HMGB1: variants seen among roughly 807,000 people sequenced by gnomAD.
HMGB1 encodes high mobility group protein B1.
For synonymous variants in HMGB1, 81 were observed against 84.0 expected, an observed-to-expected ratio of 0.96 and a Z score of 0.19; for missense variants, 79 against 253.5, an observed-to-expected ratio of 0.31 and a Z score of 4.67.
intron 1 of HMGB1, among the ~76,000 whole-genome samples, chr13:30,530,191 A>T (rs758708449): frequency 6.6e-6 from 1 of 152,250 alleles, no homozygotes; most frequent in African/African-American, 2.4e-5. Flanking sequence ...ACTTCTTGTG[A>T]TGGGTCACAA....
Position 30,575,293 on chromosome 13 carries a change from T to C in HMGB1, c.-15+41378A>G, listed in dbSNP as rs180845745. Among the ~76,000 whole-genome samples the C allele has an allele frequency of 4.3e-4, 66 of 152,310 alleles. 1 individual carries two copies. In the East Asian group the frequency reaches 0.011, roughly 24 times the overall value. ...AGAAATACAGCTCGAAGTCAGCTCA[T>C]ATTTTCAGTAAGTACTGATGAGGAT... On this transcript the variant is annotated intron_variant, in intron 1 of 4. Coordinates refer to the HMGB1 transcript ENST00000405805.
intron 1 of HMGB1, among the ~76,000 whole-genome samples, chr13:30,611,171 T>A: frequency 6.6e-6 from 1 of 152,230 alleles, no homozygotes; most frequent in Non-Finnish European, 1.5e-5. Flanking sequence ...TGTAACAATG[T>A]GTTATGAGTC....
intron 4 of HMGB1, 194 bp downstream of exon 4, chr13:30,462,344 C>G (rs187516449): frequency 3.0e-6 from 2 of 663,060 alleles, no homozygotes; most frequent in East Asian, 2.8e-5. Context: ...CAGCCTTTGT[C>G]TGAGTCTGAT....
At chr13:30,591,661 C>A (rs1240388115) in intron 1 of HMGB1, among the ~76,000 whole-genome samples, 2 of 152,062 alleles carry the variant, frequency 1.3e-5, no homozygotes, top group East Asian at 3.9e-4. Context: ...AGGCGCATGC[C>A]ACTACATCTG....
chr13:30,531,960 A>G (rs1360471361), intron 1 of HMGB1, among the ~76,000 whole-genome samples: 1 of 152,018 alleles, frequency 6.6e-6, no homozygotes, highest in Non-Finnish European at 1.5e-5. Flanking sequence ...ACAGAAATCT[A>G]AAGTCCTTCA....
intron 1 of HMGB1, among the ~76,000 whole-genome samples, chr13:30,476,117 A>ATTTT (rs1887090218): frequency 2.0e-5 from 2 of 97,764 alleles, no homozygotes; most frequent in Non-Finnish European, 4.5e-5. Flanking sequence ...GGTGGCATGT[A>ATTTT]CTTTTTTTTT....
In HMGB1 at chr13:30,571,310, T is replaced by C. The variant is rs905298109; in HGVS notation, c.-15+45361A>G. Among the ~76,000 whole-genome samples the C allele has an allele frequency of 3.6e-4, 54 of 151,402 alleles. 1 individual carries two copies. The highest frequency in any genetic ancestry group is 5.0e-4 in the Non-Finnish European group (34 of 67,794). ...AAAAATGGTTTTTTTTTTTTTTTTT[T>C]CCGAGATGGAGTCTCGCTCTCTCGC... On this transcript the variant is annotated intron_variant, in intron 1 of 4. Coordinates refer to the HMGB1 transcript ENST00000405805.
At chr13:30,588,097 T>C (rs563262570) in intron 1 of HMGB1, among the ~76,000 whole-genome samples, 1 of 152,348 alleles carries the variant, frequency 6.6e-6, no homozygotes, top group South Asian at 2.1e-4. Context: ...AAACATTTAT[T>C]GAAGATTTAT....
At chr13:30,555,771 G>A (rs576579982) in intron 1 of HMGB1, among the ~76,000 whole-genome samples, 1 of 152,296 alleles carries the variant, frequency 6.6e-6, no homozygotes, top group South Asian at 2.1e-4. Context: ...ATTGGAATAT[G>A]TTGTTTTGTT....
intron 1 of HMGB1, among the ~76,000 whole-genome samples, chr13:30,521,654 T>C (rs1888241308): frequency 6.6e-6 from 1 of 152,252 alleles, no homozygotes; most frequent in African/African-American, 2.4e-5. Context: ...TTTTGGCTAT[T>C]ATGAATAATG....
intron 1 of HMGB1, among the ~76,000 whole-genome samples, chr13:30,478,613 T>C (rs1433795870): frequency 6.6e-6 from 1 of 152,206 alleles, no homozygotes; most frequent in African/African-American, 2.4e-5. Context: ...ACTGAAAGAA[T>C]ATACTAATAA....
chr13:30,583,028 ATTT>A (rs200713079), intron 1 of HMGB1, among the ~76,000 whole-genome samples: 1 of 148,012 alleles, frequency 6.8e-6, no homozygotes, highest in Non-Finnish European at 1.5e-5. Context: ...ATACTGATCT[ATTT>A]TTTTTTTCAA....
chr13:30,571,585 T>C (rs7333685), intron 1 of HMGB1, among the ~76,000 whole-genome samples: 9,907 of 152,234 alleles, frequency 0.065, 667 homozygotes, highest in African/African-American at 0.17. Context: ...TGAGCCACCG[T>C]ACCCAGCCTA....
chr13:30,495,868 G>A (rs1887600223), intron 1 of HMGB1, among the ~76,000 whole-genome samples: 1 of 152,144 alleles, frequency 6.6e-6, no homozygotes, highest in Admixed American at 6.5e-5. Flanking sequence ...CATTTCTCAG[G>A]TAATGTGGTT....
intron 1 of HMGB1, 152 bp from the exon 2 acceptor site, chr13:30,463,846 AG>A (rs1220278677): frequency 6.8e-6 from 4 of 591,470 alleles, no homozygotes; most frequent in Non-Finnish European, 1.1e-5. Context: ...TATGGCCGAG[AG>A]ATTAAATTCC....
At chr13:30,464,709 G>GCGTCGC in intron 1 of HMGB1, 1 of 754,354 alleles carries the variant, frequency 1.3e-6, no homozygotes, top group Non-Finnish European at 1.6e-6. Context: ...TTCTCCGCCT[G>GCGTCGC]CGCCGCCGCC....
intron 1 of HMGB1, among the ~76,000 whole-genome samples, chr13:30,498,372 G>A (rs1373123657): frequency 6.6e-6 from 1 of 152,088 alleles, no homozygotes; most frequent in East Asian, 1.9e-4. Flanking sequence ...AAGTTTGATG[G>A]TATTCTCTTG....
At chr13:30,520,746 C>T (rs1483466635) in intron 1 of HMGB1, among the ~76,000 whole-genome samples, 1 of 152,184 alleles carries the variant, frequency 6.6e-6, no homozygotes, top group African/African-American at 2.4e-5. Context: ...CAGTATCGTC[C>T]TCTGTGCCAC....
chr13:30,532,264 G>A (rs958866204), intron 1 of HMGB1, among the ~76,000 whole-genome samples: 2 of 150,748 alleles, frequency 1.3e-5, no homozygotes, highest in East Asian at 2.0e-4. Context: ...GAACCCGGGA[G>A]GCGGAGGTTG....
Sources: allele counts gnomAD v4.1 joint callset (sites outside exome capture counted in the v4.1 genomes callset), GRCh38; gene constraint gnomAD v4.1.1; transcripts MANE v1.5; gene names NCBI Gene and HGNC (gene_info 2026-07-23, HGNC 2026-07-21).